The following DIAPH3 variants were observed in gnomAD, a reference collection of about 807,000 sequenced individuals.
DIAPH3 encodes protein diaphanous homolog 3.
DIAPH3 carries 117 observed loss-of-function variants against 144.3 expected under a neutral mutation model. That is an observed-to-expected ratio of 0.81 (90% CI 0.70 to 0.95). The LOEUF (loss-of-function observed/expected upper bound fraction) is 0.95, where lower values mean the gene tolerates loss of function less well. Among genes scored for constraint, DIAPH3 ranks in the 40% least tolerant of loss-of-function variants. DIAPH3 has a pLI of 0.00. For synonymous variants in DIAPH3, 519 were observed against 488.9 expected (o/e 1.06, Z -0.81); for missense variants, 1,421 against 1,412.7 (o/e 1.01, Z -0.09).
chr13:59,907,723 G>T (rs2046809474), intron 20 of DIAPH3, among the ~76,000 whole-genome samples: 1 of 152,180 alleles, frequency 6.6e-6, no homozygotes, highest in South Asian at 2.1e-4. Context: ...ATCAGTTCAA[G>T]AAGGTAACTT....
At chr13:59,979,555 G>A (rs2050871048) in intron 14 of DIAPH3, among the ~76,000 whole-genome samples, 5 of 151,612 alleles carry the variant, frequency 3.3e-5, no homozygotes, top group South Asian at 2.1e-4. Context: ...ACCTGCAGCC[G>A]AAGGCGTGGG....
intron 21 of DIAPH3, among the ~76,000 whole-genome samples, chr13:59,867,302 A>C (rs1446837966): frequency 6.6e-6 from 1 of 151,336 alleles, no homozygotes; most frequent in Non-Finnish European, 1.5e-5. Context: ...CTCTTAAAAA[A>C]AACAACAAAA....
intron 4 of DIAPH3, among the ~76,000 whole-genome samples, chr13:60,079,283 T>C (rs1475747066): frequency 6.6e-6 from 1 of 152,096 alleles, no homozygotes; most frequent in African/African-American, 2.4e-5. Context: ...TTATAATACA[T>C]AGTAAGCAAT....
chr13:59,993,702 TA>T (rs3078724), intron 9 of DIAPH3, among the ~76,000 whole-genome samples: 111 of 73,868 alleles, frequency 1.5e-3, no homozygotes, highest in African/African-American at 3.5e-3. Flanking sequence ...GAAACATACT[TA>T]AAAAAAAAAA....
intron 21 of DIAPH3, among the ~76,000 whole-genome samples, chr13:59,866,377 A>G (rs1297536050): frequency 6.6e-6 from 1 of 152,112 alleles, no homozygotes; most frequent in Admixed American, 6.6e-5. Context: ...ACTATAAAAT[A>G]TAGTTCCTTT....
chr13:60,136,049 T>G (rs1168146171), intron 1 of DIAPH3, among the ~76,000 whole-genome samples: 1 of 151,968 alleles, frequency 6.6e-6, no homozygotes, highest in African/African-American at 2.4e-5. Flanking sequence ...ACACATAAAA[T>G]AGGGACTATC....
chr13:60,045,363 T>G (rs1480611908), intron 4 of DIAPH3, among the ~76,000 whole-genome samples: 1 of 151,738 alleles, frequency 6.6e-6, no homozygotes, highest in Non-Finnish European at 1.5e-5. Flanking sequence ...AAAATAAAAA[T>G]AAATAAATTA....
At chr13:59,825,539 G>A (rs938499435) in intron 24 of DIAPH3, among the ~76,000 whole-genome samples, 39 of 152,072 alleles carry the variant, frequency 2.6e-4, no homozygotes, top group Non-Finnish European at 4.9e-4. Context: ...ATAGTCCTTT[G>A]GGTATATACC....
At chr13:59,766,694 T>C (rs2037877443) in intron 27 of DIAPH3, among the ~76,000 whole-genome samples, 2 of 151,972 alleles carry the variant, frequency 1.3e-5, no homozygotes, top group African/African-American at 4.8e-5. Context: ...GCCTTTGTCA[T>C]ATGAATGGCA....
chr13:59,758,167 A>G (rs2037385058), intron 27 of DIAPH3, among the ~76,000 whole-genome samples: 1 of 152,250 alleles, frequency 6.6e-6, no homozygotes, highest in African/African-American at 2.4e-5. Context: ...AGTATTTACT[A>G]AAGCTGAATA....
chr13:60,134,577 C>T (rs2138249898), intron 1 of DIAPH3, among the ~76,000 whole-genome samples: 1 of 152,302 alleles, frequency 6.6e-6, no homozygotes, highest in East Asian at 1.9e-4. Context: ...GCCTTCCTGC[C>T]AGTAGAGGCT....
At chr13:60,155,241 T>C (rs1951968199) in intron 1 of DIAPH3, among the ~76,000 whole-genome samples, 1 of 152,184 alleles carries the variant, frequency 6.6e-6, no homozygotes, top group African/African-American at 2.4e-5. Flanking sequence ...GCTTGCTTCA[T>C]AATTAAAGAC....
intron 1 of DIAPH3, among the ~76,000 whole-genome samples, chr13:60,155,077 T>A (rs1164685905): frequency 6.6e-6 from 1 of 152,060 alleles, no homozygotes; most frequent in East Asian, 1.9e-4. Flanking sequence ...TAAAGTAGAG[T>A]TAATTCAAGA....
At chr13:59,675,578 G>A (rs548150277) in intron 27 of DIAPH3, among the ~76,000 whole-genome samples, 2 of 152,186 alleles carry the variant, frequency 1.3e-5, no homozygotes, top group South Asian at 4.2e-4. Context: ...TAGAGATGTG[G>A]TTTCACCGTG....
intron 27 of DIAPH3, among the ~76,000 whole-genome samples, chr13:59,675,229 C>A (rs924260996): frequency 6.6e-6 from 1 of 152,008 alleles, no homozygotes; most frequent in African/African-American, 2.4e-5. Context: ...CCATGCCTGG[C>A]TAACTTAAAC....
At chr13:60,132,814 G>T in intron 2 of DIAPH3, 143 bp downstream of exon 2, 1 of 631,598 alleles carries the variant, frequency 1.6e-6, no homozygotes, top group Non-Finnish European at 2.8e-6. Flanking sequence ...TACCAGTTCT[G>T]CCTCTTATTT....
intron 1 of DIAPH3, among the ~76,000 whole-genome samples, chr13:60,136,386 A>G (rs1051266735): frequency 6.6e-6 from 1 of 151,946 alleles, no homozygotes; most frequent in Non-Finnish European, 1.5e-5. Context: ...GGAAATAGAA[A>G]CATAAAACCG....
chr13:60,058,784 A>G (rs867442206), intron 4 of DIAPH3, among the ~76,000 whole-genome samples: 34 of 152,162 alleles, frequency 2.2e-4, no homozygotes, highest in African/African-American at 8.2e-4. Flanking sequence ...CCATGATTCT[A>G]TGTAAGTAAC....
chr13:59,789,218 C>T (rs537733905), intron 25 of DIAPH3, among the ~76,000 whole-genome samples: 68 of 151,988 alleles, frequency 4.5e-4, no homozygotes, highest in Non-Finnish European at 7.8e-4. Context: ...TCACACAGAG[C>T]GAACACCCAC....
Sources: gnomAD v4.1 joint callset for allele counts (sites outside exome capture counted in the v4.1 genomes callset) on GRCh38, gnomAD v4.1.1 for gene constraint, MANE v1.5 for transcripts, NCBI Gene and HGNC (gene_info 2026-07-23, HGNC 2026-07-21) for gene names.